FAM135B: variants seen among roughly 807,000 people sequenced by gnomAD.
The protein encoded by FAM135B is protein FAM135B.
FAM135B carries 43 observed loss-of-function variants against 127.7 expected under a neutral mutation model. That is an observed-to-expected ratio of 0.34 (90% CI 0.26 to 0.43). FAM135B has a LOEUF of 0.43. FAM135B is among the 20% of genes least tolerant of loss of function. The probability of loss-of-function intolerance (pLI) is 1.00; values close to 1 mark genes in which losing one functional copy is unlikely to be tolerated. For missense variants in FAM135B, 1,558 were observed against 1,725.6 expected (o/e 0.90, Z 1.72); for synonymous variants, 670 against 665.1 (o/e 1.01, Z -0.11).
chr8:138,206,052 C>A (rs1449908112), intron 7 of FAM135B, among the ~76,000 whole-genome samples: 1 of 151,478 alleles, frequency 6.6e-6, no homozygotes, highest in Admixed American at 6.6e-5. Flanking sequence ...GCTCCAGCAT[C>A]CCCGCCATCT....
intron 2 of FAM135B, among the ~76,000 whole-genome samples, chr8:138,333,149 C>A (rs1828310664): frequency 6.6e-6 from 1 of 152,190 alleles, no homozygotes; most frequent in Non-Finnish European, 1.5e-5. Flanking sequence ...CAGGAACCTT[C>A]TGTGCTGTGT....
At chr8:138,163,598 G>A (rs1819618400) in intron 12 of FAM135B, among the ~76,000 whole-genome samples, 1 of 152,044 alleles carries the variant, frequency 6.6e-6, no homozygotes, top group Non-Finnish European at 1.5e-5. Flanking sequence ...CCTTTCACTT[G>A]GCTCTCATTC....
In FAM135B at chr8:138,410,621, A is replaced by C. The variant is rs1833807572; in HGVS notation, c.-19-42619T>G. Among the ~76,000 whole-genome samples the C allele has an allele frequency of 2.0e-5, 3 of 152,286 alleles. No individual in the cohort carries two copies. The South Asian group carries it at 6.2e-4, about 32-fold the overall frequency. Reference sequence around the variant, plus strand: ...ACCAGTCAGAATGGCTATTATTAAAAAGTCAAAAAACAACAGATGTTGGCA... The same window carrying C: ...ACCAGTCAGAATGGCTATTATTAAACAGTCAAAAAACAACAGATGTTGGCA... On this transcript the variant is annotated intron_variant, in intron 1 of 19. Coordinates refer to ENST00000395297, the MANE Select transcript of FAM135B (RefSeq NM_015912.4).
At position 138,177,353 on chromosome 8, in the gene FAM135B, T is replaced by C; in HGVS notation, c.1097A>G (p.Glu366Gly). 2 of 1,613,712 alleles carry C rather than the reference T, an allele frequency of 1.2e-6. No individual in the cohort carries two copies. The highest frequency in any genetic ancestry group is 1.7e-6 in the Non-Finnish European group (2 of 1,179,752). The change falls in exon 11 of 20, where the codon GAG becomes GGG. Residue 366 changes from glutamate (E) to glycine (G), a missense_variant. This residue lies in a region of FAM135B where 115 missense variants were observed against 171.1 expected (regional missense o/e 0.67). Coordinates refer to ENST00000395297, the MANE Select transcript of FAM135B (RefSeq NM_015912.4). Reference sequence around the variant, plus strand: ...GCATGCAATGGATACTTACAGATTCTCCTGAAATGTCAGGACTGCAAGTTT... The same window carrying C: ...GCATGCAATGGATACTTACAGATTCCCCTGAAATGTCAGGACTGCAAGTTT... ...HQKLAVLTFQ[E>G]NLIQTHSQLS... is the part of the protein sequence containing the mutation.
chr8:138,226,184 T>TGTGTGTGTGTGTGTGCGCGC lies in FAM135B; in HGVS notation c.669+16757_669+16758insGCGCGCACACACACACACAC. ...GTGTGTGTGTGTGTGTGTGTGTGTG[T>TGTGTGTGTGTGTGTGCGCGC]GCGCGCATGTCATTTTTTTTTTCAT... On this transcript the variant is annotated intron_variant, in intron 7 of 19. Coordinates refer to ENST00000395297, the MANE Select transcript of FAM135B (RefSeq NM_015912.4). Among the ~76,000 whole-genome samples, 101 of 139,284 alleles carry TGTGTGTGTGTGTGTGCGCGC rather than the reference T, an allele frequency of 7.3e-4. 1 individual carries two copies. The Middle Eastern group carries it at 0.026, about 35-fold the overall frequency. 91.4% of individuals were successfully genotyped at this position (139,284 alleles called of 152,430 possible).
In FAM135B at chr8:138,183,189, G is replaced by A. The variant is rs1815243355; in HGVS notation, c.874-4499C>T. Among the ~76,000 whole-genome samples, 6 of 152,340 alleles carry A rather than the reference G, an allele frequency of 3.9e-5. No individual in the cohort carries two copies. The South Asian group carries it at 1.2e-3, about 32-fold the overall frequency. ...AGAGTTACAAGGCACTGTGTGCCAA[G>A]AGCTTTGCAGAAATTTTAATGTACT... On this transcript the variant is annotated intron_variant, in intron 9 of 19. Coordinates refer to ENST00000395297, the MANE Select transcript of FAM135B (RefSeq NM_015912.4).
chr8:138,156,929 C>T (rs1453497776), intron 12 of FAM135B, among the ~76,000 whole-genome samples: 1 of 152,118 alleles, frequency 6.6e-6, no homozygotes, highest in Admixed American at 6.5e-5. Context: ...AGAGGGAATC[C>T]TCCCTAACTC....
intron 9 of FAM135B, among the ~76,000 whole-genome samples, chr8:138,185,696 TG>T (rs1255572014): frequency 6.6e-6 from 1 of 152,172 alleles, no homozygotes; most frequent in Non-Finnish European, 1.5e-5. Flanking sequence ...AGAAGTTTAC[TG>T]GGGGGCAACC....
intron 9 of FAM135B, among the ~76,000 whole-genome samples, chr8:138,179,013 G>A (rs1814750547): frequency 6.6e-6 from 1 of 152,094 alleles, no homozygotes; most frequent in South Asian, 2.1e-4. Flanking sequence ...TTACTTTCAT[G>A]TATGTTCTGA....
At chr8:138,227,187 T>A (rs551075906) in intron 7 of FAM135B, among the ~76,000 whole-genome samples, 113 of 152,372 alleles carry the variant, frequency 7.4e-4, no homozygotes, top group African/African-American at 2.5e-3. Flanking sequence ...ACCTTTGACA[T>A]GGCTGTTGCT....
intron 1 of FAM135B, among the ~76,000 whole-genome samples, chr8:138,409,545 T>C (rs917749213): frequency 1.8e-4 from 28 of 152,154 alleles, no homozygotes; most frequent in African/African-American, 6.8e-4. Context: ...CACAAACCTT[T>C]AATTTGTAAA....
intron 3 of FAM135B, among the ~76,000 whole-genome samples, chr8:138,299,578 TAC>T (rs1439349190): frequency 6.7e-5 from 8 of 119,160 alleles, no homozygotes; most frequent in South Asian, 3.2e-4. Flanking sequence ...TACATACACA[TAC>T]ACACATACAC....
intron 12 of FAM135B, among the ~76,000 whole-genome samples, chr8:138,157,254 T>G (rs578154311): frequency 3.5e-4 from 53 of 152,188 alleles, no homozygotes; most frequent in Non-Finnish European, 6.3e-4. Flanking sequence ...CAGCACTTCA[T>G]GCTAAAAATT....
intron 1 of FAM135B, among the ~76,000 whole-genome samples, chr8:138,372,596 A>G (rs891296396): frequency 1.3e-5 from 2 of 152,184 alleles, no homozygotes; most frequent in Non-Finnish European, 2.9e-5. Context: ...AAGTGAGGAC[A>G]ATAATAATAC....
intron 12 of FAM135B, among the ~76,000 whole-genome samples, chr8:138,156,485 C>CA (rs1257423830): frequency 2.0e-5 from 3 of 148,810 alleles, no homozygotes; most frequent in Non-Finnish European, 3.0e-5. Flanking sequence ...AAAAACCCTT[C>CA]AAAAAAATCA....
rs1481744454 is a variant in FAM135B at position 138,152,004 on chromosome 8, C to G, written c.2471G>C (p.Gly824Ala). Residue 824 changes from glycine (G) to alanine (A), a missense_variant, in exon 13 of 20, where the codon GGA becomes GCA. Physicochemically the swap from Gly to Ala is moderately conservative, Grantham distance 60 (BLOSUM62 0). Around this residue, in one of 5 missense-constraint regions of FAM135B, gnomAD observed 923 missense variants for 865.3 expected, o/e 1.07. Transcript: ENST00000395297. ...TATCTCCACCAGGGGATGGTCTGCT[C>G]CAGCATCTGTTCCAGAGTCACCACA... ...QLCGDSGTDA[G>A]ADHPLVEIVL... The G allele has an allele frequency of 6.2e-7, 1 of 1,614,016 alleles. No individual in the cohort carries two copies. The highest frequency in any genetic ancestry group is 8.5e-7 in the Non-Finnish European group (1 of 1,179,982).
chr8:138,339,271 C>T (rs952021158), intron 2 of FAM135B, among the ~76,000 whole-genome samples: 3 of 151,518 alleles, frequency 2.0e-5, no homozygotes, highest in African/African-American at 7.3e-5. Flanking sequence ...TAAAAAAAAA[C>T]CTAAATAATC....
intron 1 of FAM135B, among the ~76,000 whole-genome samples, chr8:138,416,571 C>A (rs371412569): frequency 2.0e-5 from 3 of 152,250 alleles, no homozygotes; most frequent in South Asian, 2.1e-4. Context: ...CTTGCTCATT[C>A]ACTCATTCAA....
chr8:138,391,621 C>T (rs1013828026), intron 1 of FAM135B, among the ~76,000 whole-genome samples: 1 of 152,208 alleles, frequency 6.6e-6, no homozygotes, highest in Non-Finnish European at 1.5e-5. Flanking sequence ...GCCATCCACC[C>T]CTGCACCACC....
Sources: gnomAD v4.1 joint callset for allele counts (sites outside exome capture counted in the v4.1 genomes callset) on GRCh38, gnomAD v4.1.1 for gene constraint, gnomAD v4.1.1 regional missense constraint, MANE v1.5 for transcripts, NCBI Gene and HGNC (gene_info 2026-07-23, HGNC 2026-07-21) for gene names.